Variants in NOPCHAP1 observed in about 807,000 individuals in gnomAD.
NOPCHAP1 encodes the protein NOP protein chaperone 1.
NOPCHAP1 carries 13 observed loss-of-function variants against 14.0 expected under a neutral mutation model. That is an observed-to-expected ratio of 0.93 (90% confidence interval 0.60 to 1.47). The LOEUF is 1.47. Among genes scored for constraint, NOPCHAP1 ranks in the 40% most tolerant of loss-of-function variants. The pLI is 0.00. For missense variants in NOPCHAP1, 230 were observed against 226.9 expected, an observed-to-expected ratio of 1.01 and a Z score of -0.09; for synonymous variants, 78 against 78.4, an observed-to-expected ratio of 1.00 and a Z score of 0.03.
rs1873912786 is a variant in NOPCHAP1, at chr12:105,014,790, T to A, written c.*20094T>A. The A allele has an allele frequency of 6.6e-6, 1 of 152,134 alleles. No individual in the cohort carries two copies. The highest frequency in any genetic ancestry group is 1.5e-5 in the Non-Finnish European group (1 of 68,016). 9.4% of individuals were successfully genotyped at this position (152,134 alleles called of 1,614,324 possible). On this transcript the variant is annotated 3_prime_UTR_variant, in exon 4 of 4. Transcript: ENST00000552951. ...TCACAGCAAAATTTGGAGGGCATAGTACAAAGAAAGGCGACAGCTGGTTTT... is the reference window on the plus strand; with the variant it reads ...TCACAGCAAAATTTGGAGGGCATAGAACAAAGAAAGGCGACAGCTGGTTTT...
In NOPCHAP1 at chr12:104,986,377, G is replaced by T. The variant is rs1368139956; in HGVS notation, c.25G>T (p.Ala9Ser). 6.2e-7 allele frequency: 1 copy of T among 1,611,056 alleles called. No homozygotes were observed. Among genetic ancestry groups the T allele is most frequent in the Non-Finnish European group, 8.5e-7 (1 of 1,178,876 alleles). Reference protein sequence around the residue: MEVHGKPKASPSCSSPTRD... With the variant: MEVHGKPKSSPSCSSPTRD... ...CATGGAGGTCCATGGCAAGCCCAAG[G>T]CTAGCCCGAGTTGTTCGTCGCCCAC... The change falls in exon 1 of 4, where the codon GCT becomes TCT. Residue 9 changes from alanine to serine, a missense_variant. Physicochemically the swap from Ala to Ser is moderately conservative, Grantham distance 99. Coordinates refer to ENST00000552951, the MANE Select transcript of NOPCHAP1 (RefSeq NM_152318.3).
intron 1 of NOPCHAP1, among the ~76,000 whole-genome samples, chr12:104,987,050 T>C (rs1336953959): frequency 6.6e-6 from 1 of 152,216 alleles, no homozygotes; most frequent in African/African-American, 2.4e-5. Context: ...TTTCATTCCC[T>C]AAGCCTCAGT....
rs568284245 is a variant in NOPCHAP1, at chr12:105,010,461, G to A, written c.*15765G>A. On this transcript the variant is annotated 3_prime_UTR_variant, in exon 4 of 4. Coordinates refer to ENST00000552951, the MANE Select transcript of NOPCHAP1 (RefSeq NM_152318.3). ...TCGTGGATTTTTTGAAGGGTTTTTT[G>A]TGTCTCTATCTCCTTCAGTTCTGCT... 4.6e-5 allele frequency: 7 copies of A among 152,160 alleles called. No individual in the cohort carries two copies. The highest frequency in any genetic ancestry group is 2.1e-4 in the South Asian group (1 of 4,822). 9.4% of individuals were successfully genotyped at this position (152,160 alleles called of 1,614,324 possible). A position where few individuals can be genotyped will look rare whatever the true frequency, so the allele number is the denominator to read the frequency against.
At chr12:104,988,294 G>A (rs1333313552) in intron 2 of NOPCHAP1, 41 bp downstream of exon 2, 1 of 1,487,340 alleles carries the variant, frequency 6.7e-7, no homozygotes, top group Admixed American at 1.7e-5. Flanking sequence ...CTAATGCTGA[G>A]TTTTGTCTGA....
In NOPCHAP1 at chr12:105,007,453, A is replaced by G. The variant is rs954367755; in HGVS notation, c.*12757A>G. ...TCTCTGCTTCTTGGAAGAAATTCCAACATCACTAGTAGCACTTTATATGGT... is the reference window on the plus strand; with the variant it reads ...TCTCTGCTTCTTGGAAGAAATTCCAGCATCACTAGTAGCACTTTATATGGT... On this transcript the variant is annotated 3_prime_UTR_variant, in exon 4 of 4. Coordinates refer to ENST00000552951, the MANE Select transcript of NOPCHAP1 (RefSeq NM_152318.3). The G allele has an allele frequency of 2.6e-5, 4 of 152,208 alleles. No homozygotes were observed. Among genetic ancestry groups the G allele is most frequent in the Non-Finnish European group, 4.4e-5 (3 of 68,030 alleles). 9.4% of individuals were successfully genotyped at this position (152,208 alleles called of 1,614,324 possible). A position where few individuals can be genotyped will look rare whatever the true frequency, so the allele number is the denominator to read the frequency against.
rs542589565 is a variant in NOPCHAP1, at chr12:104,990,307, T to C, written c.203-1405T>C. Among the ~76,000 whole-genome samples, 10 of 152,344 alleles carry C rather than the reference T, an allele frequency of 6.6e-5. No homozygotes were observed. In the South Asian group the frequency reaches 2.1e-3, roughly 32 times the overall value. ...CCGCACATTTTGGTACTTGTTTTGC[T>C]CTACTTGATTCATTAGTTGGAAACA... On this transcript the variant is annotated intron_variant, in intron 2 of 3. Transcript: ENST00000552951.
At position 105,012,552 on chromosome 12, in the gene NOPCHAP1, TGGA is replaced by T. The variant is rs1265498197; in HGVS notation, c.*17861_*17863del. The T allele has an allele frequency of 6.6e-6, 1 of 152,248 alleles. No homozygotes were observed. The highest frequency in any genetic ancestry group is 1.5e-5 in the Non-Finnish European group (1 of 68,042). 9.4% of individuals were successfully genotyped at this position (152,248 alleles called of 1,614,324 possible). A position where few individuals can be genotyped will look rare whatever the true frequency, so the allele number is the denominator to read the frequency against. ...TTGCTGGTGAGGAGTTGTGATCCTT[TGGA>T]GGAGAAGAGGTGTTCTGGTTTTTGG... On this transcript the variant is annotated 3_prime_UTR_variant, in exon 4 of 4. Coordinates refer to ENST00000552951, the MANE Select transcript of NOPCHAP1 (RefSeq NM_152318.3).
Position 105,006,517 on chromosome 12 carries a change from T to C in NOPCHAP1, c.*11821T>C, listed in dbSNP as rs1348524185. On this transcript the variant is annotated 3_prime_UTR_variant, in exon 4 of 4. Transcript: ENST00000552951. ...AGACAGTTCCTTATTTGCAAGATAC[T>C]TCTTGACCTTAGAGACAAAGCATTG... is the stretch of plus-strand genomic sequence containing the variant. 6.6e-6 allele frequency: 1 copy of C among 152,210 alleles called. No homozygotes were observed. The highest frequency in any genetic ancestry group is 2.4e-5 in the African/African-American group (1 of 41,458). 9.4% of individuals were successfully genotyped at this position (152,210 alleles called of 1,614,324 possible).
chr12:105,003,755 T>C lies in NOPCHAP1; in HGVS notation c.*9059T>C, dbSNP rs1241044965. 2 of 152,254 alleles carry C rather than the reference T, an allele frequency of 1.3e-5. No individual in the cohort carries two copies. The highest frequency in any genetic ancestry group is 2.9e-5 in the Non-Finnish European group (2 of 68,042). The allele number at this position is 152,254 out of a possible 1,614,324, so 9.4% of individuals were successfully genotyped here. A position where few individuals can be genotyped will look rare whatever the true frequency, so the allele number is the denominator to read the frequency against. Reference sequence around the variant, plus strand: ...AACTGAAAGGTTCAGAGTGTTCCACTCTGTGGCACAGAGAGTATGCTTTTA... The same window carrying C: ...AACTGAAAGGTTCAGAGTGTTCCACCCTGTGGCACAGAGAGTATGCTTTTA... On this transcript the variant is annotated 3_prime_UTR_variant, in exon 4 of 4. Transcript: ENST00000552951.
intron 1 of NOPCHAP1, among the ~76,000 whole-genome samples, chr12:104,987,709 G>A (rs1286136043): frequency 6.6e-6 from 1 of 152,146 alleles, no homozygotes; most frequent in Non-Finnish European, 1.5e-5. Flanking sequence ...TGGGTTGAAC[G>A]TCTTCAGGGA....
Position 104,999,033 on chromosome 12 carries a change from G to T in NOPCHAP1, c.*4337G>T, listed in dbSNP as rs1873553740. 1 of 153,010 alleles carries T rather than the reference G, an allele frequency of 6.5e-6. No individual in the cohort carries two copies. The highest frequency in any genetic ancestry group is 1.5e-5 in the Non-Finnish European group (1 of 68,686). 9.5% of individuals were successfully genotyped at this position (153,010 alleles called of 1,614,324 possible). A position where few individuals can be genotyped will look rare whatever the true frequency, so the allele number is the denominator to read the frequency against. On this transcript the variant is annotated 3_prime_UTR_variant, in exon 4 of 4. Coordinates refer to ENST00000552951, the MANE Select transcript of NOPCHAP1 (RefSeq NM_152318.3). The stretch of plus-strand genomic sequence containing the variant: ...GTCACTGTGCCTAGTTTTGCAGCTG[G>T]TGGCAGTGTTGGTGTCGGAGTGGGG...
At position 105,002,839 on chromosome 12, in the gene NOPCHAP1, A is replaced by G. The variant is rs1261580463; in HGVS notation, c.*8143A>G. The G allele has an allele frequency of 6.6e-6, 1 of 152,154 alleles. No individual in the cohort carries two copies. 9.4% of individuals were successfully genotyped at this position (152,154 alleles called of 1,614,324 possible). ...GTCTTTTACCGTGTCTGGAAGCTTA[A>G]TTTTTGACCATGGAGTAAAGGTGGT... On this transcript the variant is annotated 3_prime_UTR_variant, in exon 4 of 4. Coordinates refer to ENST00000552951, the MANE Select transcript of NOPCHAP1 (RefSeq NM_152318.3).
rs949680737 is a variant in NOPCHAP1, at chr12:105,015,232, T to G, written c.*20536T>G. 6.6e-6 allele frequency: 1 copy of G among 152,218 alleles called. No individual in the cohort carries two copies. Among genetic ancestry groups the G allele is most frequent in the African/African-American group, 2.4e-5 (1 of 41,452 alleles). The allele number at this position is 152,218 out of a possible 1,614,324, so 9.4% of individuals were successfully genotyped here. Reference sequence around the variant, plus strand: ...ACTGTACACAGCCGTGATGAGTTATTGGCATAGGTACTTATTTAAAGATTT... The same window carrying G: ...ACTGTACACAGCCGTGATGAGTTATGGGCATAGGTACTTATTTAAAGATTT... On this transcript the variant is annotated 3_prime_UTR_variant, in exon 4 of 4. Transcript: ENST00000552951.
At position 105,009,069 on chromosome 12, in the gene NOPCHAP1, T is replaced by C. The variant is rs565504840; in HGVS notation, c.*14373T>C. The C allele has an allele frequency of 6.6e-6, 1 of 152,352 alleles. No homozygotes were observed. Among genetic ancestry groups the C allele is most frequent in the South Asian group, 2.1e-4 (1 of 4,828 alleles). The allele number at this position is 152,352 out of a possible 1,614,324, so 9.4% of individuals were successfully genotyped here. A position where few individuals can be genotyped will look rare whatever the true frequency, so the allele number is the denominator to read the frequency against. On this transcript the variant is annotated 3_prime_UTR_variant, in exon 4 of 4. Transcript: ENST00000552951. The stretch of plus-strand genomic sequence containing the variant: ...ATAGCATTGAATCTATAAATTACTT[T>C]AGGCAGTATGGCCATTTTCACGATA...
At position 105,015,532 on chromosome 12, in the gene NOPCHAP1, A is replaced by G. The variant is rs1234376210; in HGVS notation, c.*20836A>G. On this transcript the variant is annotated 3_prime_UTR_variant, in exon 4 of 4. Coordinates refer to ENST00000552951, the MANE Select transcript of NOPCHAP1 (RefSeq NM_152318.3). The stretch of plus-strand genomic sequence containing the variant: ...ACAATATAAAAATATTAAATGGAAC[A>G]TTCCAGAAATAATACATAAGTTTTA... 6.6e-6 allele frequency: 1 copy of G among 152,260 alleles called. No individual in the cohort carries two copies. Among genetic ancestry groups the G allele is most frequent in the Non-Finnish European group, 1.5e-5 (1 of 68,050 alleles). The allele number at this position is 152,260 out of a possible 1,614,324, so 9.4% of individuals were successfully genotyped here.
chr12:104,993,084 A>G lies in NOPCHAP1; in HGVS notation c.339+1236A>G, dbSNP rs1423269232. The stretch of plus-strand genomic sequence containing the variant: ...TCTGTTTCTTTTCAGTCGTCACCTG[A>G]TCAGGAGGCCTTCCCTGATAGCTGT... On this transcript the variant is annotated intron_variant, in intron 3 of 3. Coordinates refer to ENST00000552951, the MANE Select transcript of NOPCHAP1 (RefSeq NM_152318.3). Among the ~76,000 whole-genome samples the G allele has an allele frequency of 2.0e-5, 3 of 152,180 alleles. No homozygotes were observed. The East Asian group carries it at 5.8e-4, about 29-fold the overall frequency.
Position 104,989,941 on chromosome 12 carries a change from G to A in NOPCHAP1, c.202+1688G>A, listed in dbSNP as rs151023448. The stretch of plus-strand genomic sequence containing the variant: ...ACAGTTTCCATCTCTAGAAGTTTGA[G>A]ACTGTTTACATCTTTTTTTCTTTCC... On this transcript the variant is annotated intron_variant, in intron 2 of 3. Transcript: ENST00000552951. Among the ~76,000 whole-genome samples, 858 of 152,240 alleles carry A rather than the reference G, an allele frequency of 5.6e-3. 7 individuals carry two copies. Among genetic ancestry groups the A allele is most frequent in the African/African-American group, 0.02 (818 of 41,544 alleles).
rs1873864458 is a variant in NOPCHAP1 at position 105,012,993 on chromosome 12, C to T, written c.*18297C>T. 6.6e-6 allele frequency: 1 copy of T among 150,982 alleles called. No homozygotes were observed. Among genetic ancestry groups the T allele is most frequent in the East Asian group, 2.0e-4 (1 of 5,080 alleles). 9.4% of individuals were successfully genotyped at this position (150,982 alleles called of 1,614,324 possible). On this transcript the variant is annotated 3_prime_UTR_variant, in exon 4 of 4. Coordinates refer to ENST00000552951, the MANE Select transcript of NOPCHAP1 (RefSeq NM_152318.3). ...ACCCACTTGAGGAGGCAGTCTGTCC[C>T]TTAGCAGAGCTTGAGCACTGTGCTG...
chr12:104,989,078 TTGC>T lies in NOPCHAP1; in HGVS notation c.202+829_202+831del, dbSNP rs145932102. 5.9e-3 allele frequency among the ~76,000 whole-genome samples: 891 copies of T among 152,264 alleles called. 10 individuals are homozygous for T. Among genetic ancestry groups the T allele is most frequent in the African/African-American group, 0.021 (856 of 41,554 alleles). ...CCACCAGCAAGGTATGAGAGTTTAG[TTGC>T]TGCACATCCTAACCAAAATGTGGTA... is the stretch of plus-strand genomic sequence containing the variant. On this transcript the variant is annotated intron_variant, in intron 2 of 3. Coordinates refer to ENST00000552951, the MANE Select transcript of NOPCHAP1 (RefSeq NM_152318.3).
Sources: allele counts gnomAD v4.1 joint callset (sites outside exome capture counted in the v4.1 genomes callset), GRCh38; gene constraint gnomAD v4.1.1; transcripts MANE v1.5; gene names NCBI Gene and HGNC (gene_info 2026-07-23, HGNC 2026-07-21).